LRCH3: variants seen among roughly 807,000 people sequenced by gnomAD.
LRCH3 encodes the protein leucine rich repeats and calponin homology domain containing 3.
A neutral mutation model predicts 104.5 loss-of-function variants in LRCH3; 68 were observed. The ratio of observed to expected loss-of-function variants is 0.65; its 90% CI spans 0.54 to 0.80. LRCH3 has a LOEUF of 0.80. Among genes scored for constraint, LRCH3 ranks in the 30% least tolerant of loss-of-function variants. LRCH3 has a pLI of 0.00. For missense variants in LRCH3, 951 were observed against 953.9 expected (o/e 1.00, Z 0.04); for synonymous variants, 344 against 361.3 (o/e 0.95, Z 0.54).
At chr3:197,828,900 G>A (rs548731679) in intron 5 of LRCH3, among the ~76,000 whole-genome samples, 38 of 151,732 alleles carry the variant, frequency 2.5e-4, no homozygotes, top group Non-Finnish European at 4.1e-4. Flanking sequence ...GTACAGACGG[G>A]ATTTCACCGT....
rs774157714 is a variant in LRCH3, at chr3:197,852,671, A to G, written c.1590+51A>G. 1.9e-6 allele frequency: 3 copies of G among 1,552,846 alleles called. No individual in the cohort carries two copies. The South Asian group carries it at 3.4e-5, about 17-fold the overall frequency. On this transcript the variant is annotated intron_variant, in intron 13 of 20. Transcript: ENST00000425562. ...TTGGAGTTGATTATTTTTGCAATGG[A>G]AATGAAATGTTTACATGTAATTGTC...
At chr3:197,847,600 C>T (rs1738922786) in intron 11 of LRCH3, 140 bp downstream of exon 11, 7 of 312,532 alleles carry the variant, frequency 2.2e-5, no homozygotes, top group African/African-American at 1.1e-4. Flanking sequence ...AACATATGTA[C>T]GTGATACTTG....
At chr3:197,834,726 G>A (rs1040467757) in intron 8 of LRCH3, among the ~76,000 whole-genome samples, 1 of 152,208 alleles carries the variant, frequency 6.6e-6, no homozygotes, top group Non-Finnish European at 1.5e-5. Context: ...ACAGTAAGGA[G>A]CTGTCCAAAG....
At chr3:197,880,441 T>C (rs1000094870) in intron 20 of LRCH3, 31 of 1,122,606 alleles carry the variant, frequency 2.8e-5, no homozygotes, top group Non-Finnish European at 3.8e-5. Context: ...ATGAATTCTA[T>C]ACTCAAATCT....
intron 12 of LRCH3, chr3:197,850,368 T>TC: frequency 1.1e-6 from 1 of 908,052 alleles, no homozygotes. Flanking sequence ...TTTTTTTTTT[T>TC]CCTTTTAATT....
At position 197,791,448 on chromosome 3, in the gene LRCH3, C is replaced by T. The variant is rs556093911; in HGVS notation, c.170C>T (p.Ala57Val). Reference protein sequence around the residue: ...RSLDRALEEAAVTGVLSLSGR... With the variant: ...RSLDRALEEAVVTGVLSLSGR... ...CTCGATCGAGCCCTGGAGGAGGCGG[C>T]GGTCACTGGGGTGCTGAGCCTGAGC... Residue 57 changes from alanine to valine, a missense_variant, in exon 1 of 21, where the codon GCG (alanine) becomes GTG (valine). Physicochemically the swap from Ala to Val is moderately conservative, Grantham distance 64. Coordinates refer to ENST00000425562, the MANE Select transcript of LRCH3 (RefSeq NM_001365715.1). 221 of 1,597,122 alleles carry T rather than the reference C, an allele frequency of 1.4e-4. No individual in the cohort carries two copies. The East Asian group carries it at 4.9e-3, about 36-fold the overall frequency.
chr3:197,838,216 T>C (rs1424196344), intron 9 of LRCH3, among the ~76,000 whole-genome samples: 5 of 152,270 alleles, frequency 3.3e-5, no homozygotes, highest in Non-Finnish European at 5.9e-5. Context: ...GCCCGGCAGT[T>C]TGAGGCCGGC....
chr3:197,838,759 T>C (rs1013302010), intron 9 of LRCH3, among the ~76,000 whole-genome samples: 5 of 152,262 alleles, frequency 3.3e-5, no homozygotes, highest in Admixed American at 6.5e-5. Flanking sequence ...AATATTTTCC[T>C]TTTAAATACG....
chr3:197,807,505 G>C (rs549381177), intron 1 of LRCH3, among the ~76,000 whole-genome samples: 3 of 152,156 alleles, frequency 2.0e-5, no homozygotes, highest in Non-Finnish European at 4.4e-5. Flanking sequence ...ACAGGTGTGA[G>C]CCACCATGCC....
chr3:197,795,241 A>C (rs1731056255), intron 1 of LRCH3, among the ~76,000 whole-genome samples: 1 of 152,146 alleles, frequency 6.6e-6, no homozygotes, highest in African/African-American at 2.4e-5. Context: ...TAATTTTGCC[A>C]GTCCATTATT....
intron 1 of LRCH3, among the ~76,000 whole-genome samples, chr3:197,794,326 G>A (rs573782403): frequency 2.0e-5 from 3 of 152,300 alleles, no homozygotes; most frequent in East Asian, 1.9e-4. Context: ...ATTTAGAGAT[G>A]TTCACTAATT....
chr3:197,854,433 T>C lies in LRCH3; in HGVS notation c.1632T>C (p.Ser544=), dbSNP rs770584007. 6.2e-7 allele frequency: 1 copy of C among 1,614,176 alleles called. No homozygotes were observed. Among genetic ancestry groups the C allele is most frequent in the East Asian group, 2.2e-5 (1 of 44,886 alleles). The change falls in exon 14 of 21, where the codon AGT becomes AGC. Residue 544 remains serine (S), a synonymous_variant. Transcript: ENST00000425562. This position sits in a 1 kb window ranked among gnomAD's most constrained non-coding sequence, Gnocchi z 4.5. ...GAAGGTCTCAGCACACTGATGATAG[T>C]GCCTTGTGCATGGTAAGAGTTTTGC... is the stretch of plus-strand genomic sequence containing the variant. ...PSRRSQHTDD[S]ALCMSLSGLN...
At chr3:197,867,581 C>T (rs574542300) in intron 17 of LRCH3, among the ~76,000 whole-genome samples, 7 of 151,858 alleles carry the variant, frequency 4.6e-5, no homozygotes, top group East Asian at 1.9e-4. Flanking sequence ...TGGCTGGGTG[C>T]GGTGGCTCAC....
At chr3:197,833,961 A>G (rs1169625796) in intron 8 of LRCH3, among the ~76,000 whole-genome samples, 2 of 152,228 alleles carry the variant, frequency 1.3e-5, no homozygotes, top group Non-Finnish European at 2.9e-5. Context: ...GAACCTTTTC[A>G]TCTTTTTTAG....
In LRCH3 at chr3:197,824,280, G is replaced by A. The variant is rs186276061; in HGVS notation, c.641-2598G>A. 3.4e-3 allele frequency among the ~76,000 whole-genome samples: 514 copies of A among 150,616 alleles called. 1 individual carries two copies. Among genetic ancestry groups the A allele is most frequent in the Admixed American group, 4.2e-3 (63 of 15,168 alleles). ...GGGTTTCACCATGTTGGTCAGGCTG[G>A]TCTCGAACCCCTGACCTCGTGATCC... On this transcript the variant is annotated intron_variant, in intron 4 of 20. Transcript: ENST00000425562.
intron 9 of LRCH3, among the ~76,000 whole-genome samples, chr3:197,838,771 T>C (rs980798897): frequency 2.6e-4 from 39 of 152,254 alleles, no homozygotes; most frequent in African/African-American, 9.2e-4. Context: ...TTAAATACGG[T>C]ATTTTACCAT....
At chr3:197,879,038 A>T (rs1713240886) in intron 20 of LRCH3, among the ~76,000 whole-genome samples, 1 of 152,244 alleles carries the variant, frequency 6.6e-6, no homozygotes, top group Non-Finnish European at 1.5e-5. Context: ...ATACTGAAGA[A>T]CAAGGCAGTT....
intron 8 of LRCH3, among the ~76,000 whole-genome samples, chr3:197,834,949 GCC>G (rs1736511574): frequency 6.6e-6 from 1 of 152,060 alleles, no homozygotes; most frequent in Non-Finnish European, 1.5e-5. Context: ...TTGGAGACCA[GCC>G]TGGCCAACAT....
intron 20 of LRCH3, chr3:197,882,321 T>G: frequency 2.0e-6 from 2 of 985,406 alleles, no homozygotes; most frequent in Non-Finnish European, 2.4e-6. Flanking sequence ...TATCTAGACT[T>G]GCAGTTGCAC....
Sources: gnomAD v4.1 joint callset for allele counts (sites outside exome capture counted in the v4.1 genomes callset) on GRCh38, gnomAD v4.1.1 for gene constraint, Gnocchi (gnomAD v3.1) non-coding constraint, MANE v1.5 for transcripts, NCBI Gene and HGNC (gene_info 2026-07-23, HGNC 2026-07-21) for gene names.